FCGR1A: variants seen among roughly 807,000 people sequenced by gnomAD.
The protein encoded by FCGR1A is high affinity immunoglobulin gamma Fc receptor I.
FCGR1A carries 13 observed loss-of-function variants against 35.0 expected under a neutral mutation model. That is an observed-to-expected ratio of 0.37 (90% CI 0.24 to 0.59). FCGR1A has a LOEUF of 0.59. Among genes scored for constraint, FCGR1A ranks in the 20% least tolerant of loss-of-function variants. The probability of loss-of-function intolerance (pLI) is 0.71; values close to 1 mark genes in which losing one functional copy is unlikely to be tolerated. For missense variants in FCGR1A, 227 were observed against 430.0 expected, an observed-to-expected ratio of 0.53 and a Z score of 4.17; for synonymous variants, 91 against 164.7, an observed-to-expected ratio of 0.55 and a Z score of 3.43.
intron 3 of FCGR1A, chr1:149,786,245 C>T (rs1419749210): frequency 1.3e-5 from 2 of 152,188 alleles, no homozygotes; most frequent in East Asian, 3.9e-4. Context: ...ATTTGGGTAT[C>T]CTTTTTTGTA....
the FCGR1A span, among the ~76,000 whole-genome samples, chr1:149,799,836 G>A: frequency 6.6e-6 from 1 of 152,294 alleles, no homozygotes; most frequent in African/African-American, 2.4e-5. Context: ...TGTGTTTCCT[G>A]TGCTTTCACA....
At chr1:149,793,129 G>T (rs188275404), downstream of FCGR1A, 14,698 of 1,274,022 alleles carry the variant, frequency 0.012, 88 homozygotes, top group Non-Finnish European at 0.014. Context: ...AGGTGCGCCC[G>T]GCCGAGCCTC....
chr1:149,793,947 G>A (rs1402245210), downstream of FCGR1A: 1 of 1,215,762 alleles, frequency 8.2e-7, no homozygotes. Flanking sequence ...TATTTTCCTA[G>A]GAGGGCCAAG....
chr1:149,788,667 C>T (rs781912511), intron 4 of FCGR1A, 50 bp downstream of exon 4: 4 of 1,599,962 alleles, frequency 2.5e-6, no homozygotes, highest in Admixed American at 1.7e-5. Context: ...CCCTGAGGGA[C>T]CATCATAAAT....
At chr1:149,787,185 G>A (rs2102041692) in intron 3 of FCGR1A, 2 of 152,260 alleles carry the variant, frequency 1.3e-5, no homozygotes, top group South Asian at 4.1e-4. Flanking sequence ...AATTCTATTT[G>A]GAAGCATTAT....
rs1325762267 is a variant in FCGR1A at position 149,791,578 on chromosome 1, C to A, written c.*61C>A. 9.4e-6 allele frequency: 15 copies of A among 1,599,702 alleles called. No homozygotes were observed. The highest frequency in any genetic ancestry group is 1.2e-5 in the Non-Finnish European group (14 of 1,175,234). ...CCCCTGCCCACTTGCTCCCCGTGAG[C>A]ACTGCGTACAAACATCCAAAAGTTC... On this transcript the variant is annotated 3_prime_UTR_variant, in exon 6 of 6. Transcript: ENST00000369168.
chr1:149,799,588 A>G, the FCGR1A span, among the ~76,000 whole-genome samples: 2 of 152,144 alleles, frequency 1.3e-5, no homozygotes, highest in South Asian at 2.1e-4. Context: ...CAGCCCCTGA[A>G]ATTGTGCAGT....
Position 149,790,046 on chromosome 1 carries a change from C to G in FCGR1A, c.560-8C>G. 6.2e-7 allele frequency: 1 copy of G among 1,613,250 alleles called. No individual in the cohort carries two copies. The highest frequency in any genetic ancestry group is 8.5e-7 in the Non-Finnish European group (1 of 1,179,880). ...GGCAACCTTGTCCCCCATCAACTTT[C>G]TCCTTAGAGCTATTTCCAGCTCCAG... On this transcript the variant is annotated splice_region_variant and splice_polypyrimidine_tract_variant and intron_variant, in intron 4 of 5. Coordinates refer to ENST00000369168, the MANE Select transcript of FCGR1A (RefSeq NM_000566.4).
In FCGR1A at chr1:149,784,116, T is replaced by C. The variant is rs2091475513; in HGVS notation, c.166T>C (p.Trp56Arg). The C allele has an allele frequency of 1.9e-6, 3 of 1,611,710 alleles. No homozygotes were observed. The highest frequency in any genetic ancestry group is 8.5e-7 in the Non-Finnish European group (1 of 1,179,862). The change falls in exon 3 of 6, where the codon TGG (tryptophan) becomes CGG (arginine). Residue 56 changes from tryptophan to arginine, a missense_variant. By Grantham distance (101) the Trp-to-Arg change is moderately radical (BLOSUM62 -3). Around this residue, in one of 3 missense-constraint regions of FCGR1A, gnomAD observed 185 missense variants for 306.6 expected, o/e 0.60. Transcript: ENST00000369168. ...LHLPGSSSTQWFLNGTATQTS... is the reference protein window; with the variant it reads ...LHLPGSSSTQRFLNGTATQTS... ...TCTGCCTGGGAGCAGCTCTACACAG[T>C]GGTTTCTCAATGGCACAGCCACTCA...
chr1:149,791,648 C>T lies in FCGR1A; in HGVS notation c.*131C>T. On this transcript the variant is annotated 3_prime_UTR_variant, in exon 6 of 6. Coordinates refer to ENST00000369168, the MANE Select transcript of FCGR1A (RefSeq NM_000566.4). ...GTCTCATGGTATGTAACTCTTAAAGCAAATAAATGAACTGACTTCAACTGG... is the reference window on the plus strand; with the variant it reads ...GTCTCATGGTATGTAACTCTTAAAGTAAATAAATGAACTGACTTCAACTGG... The T allele has an allele frequency of 1.4e-6, 2 of 1,471,568 alleles. No homozygotes were observed. Among genetic ancestry groups the T allele is most frequent in the South Asian group, 2.7e-5 (2 of 73,164 alleles). 91.2% of individuals were successfully genotyped at this position (1,471,568 alleles called of 1,614,324 possible).
chr1:149,790,562 T>C (rs2091681650), intron 5 of FCGR1A, among the ~76,000 whole-genome samples: 1 of 151,528 alleles, frequency 6.6e-6, no homozygotes, highest in East Asian at 2.0e-4. Flanking sequence ...TGCCTTTCCT[T>C]CCTCCATTTC....
chr1:149,791,205 G>T, intron 5 of FCGR1A, 32 bp from the exon 6 acceptor site: 1 of 1,606,052 alleles, frequency 6.2e-7, no homozygotes, highest in Non-Finnish European at 8.5e-7. Flanking sequence ...TCTCTAAATA[G>T]TATCTCTTCT....
rs2091604883 is a variant in FCGR1A, at chr1:149,788,312, G to A, written c.308-54G>A. On this transcript the variant is annotated intron_variant, in intron 3 of 5. Coordinates refer to ENST00000369168, the MANE Select transcript of FCGR1A (RefSeq NM_000566.4). ...AGGAAGCCCACAGGGCCAAGCTTGG[G>A]CCTCCTTGTACCTCCTCCACTGTAT... 4 of 1,611,314 alleles carry A rather than the reference G, an allele frequency of 2.5e-6. No individual in the cohort carries two copies. In the Admixed American group the frequency reaches 6.7e-5, roughly 27 times the overall value.
At position 149,782,732 on chromosome 1, in the gene FCGR1A, C is replaced by T. The variant is rs368925544; in HGVS notation, c.-12C>T. On this transcript the variant is annotated 5_prime_UTR_variant, in exon 1 of 6. Coordinates refer to ENST00000369168, the MANE Select transcript of FCGR1A (RefSeq NM_000566.4). The stretch of plus-strand genomic sequence containing the variant: ...TTACAGATTTCACTGCTCCCACCAG[C>T]TTGGAGACAACATGTGGTTCTTGAC... 1.8e-4 allele frequency: 289 copies of T among 1,596,592 alleles called. No homozygotes were observed. In the African/African-American group the frequency reaches 3.6e-3, roughly 20 times the overall value.
At chr1:149,797,609 G>C in the FCGR1A span, among the ~76,000 whole-genome samples, 4 of 152,108 alleles carry the variant, frequency 2.6e-5, no homozygotes, top group Non-Finnish European at 4.4e-5. Context: ...GTTAGCGTTT[G>C]AGTTAAAAAC....
chr1:149,792,328 C>T, downstream of FCGR1A: 1 of 307,346 alleles, frequency 3.3e-6, no homozygotes, highest in South Asian at 4.0e-5. Context: ...ATCTTGCCTC[C>T]AGAGATTTGC....
chr1:149,790,950 T>C (rs1201813444), intron 5 of FCGR1A, among the ~76,000 whole-genome samples: 15 of 151,900 alleles, frequency 9.9e-5, no homozygotes, highest in African/African-American at 3.6e-4. Flanking sequence ...CAACCCAAAT[T>C]CATTTCAAGT....
At chr1:149,793,209 T>C (rs3106118), downstream of FCGR1A, 39 of 1,273,952 alleles carry the variant, frequency 3.1e-5, no homozygotes, top group East Asian at 1.3e-4. Context: ...GGCGCCCCAT[T>C]TTCTTGGCTT....
chr1:149,791,148 C>G, intron 5 of FCGR1A, 89 bp from the exon 6 acceptor site: 1 of 1,601,130 alleles, frequency 6.2e-7, no homozygotes, highest in Non-Finnish European at 8.5e-7. Flanking sequence ...CACATCAGGT[C>G]TCAGCCAACC....
Sources: allele counts gnomAD v4.1 joint callset (sites outside exome capture counted in the v4.1 genomes callset), GRCh38; gene constraint gnomAD v4.1.1; regional missense constraint gnomAD v4.1.1; transcripts MANE v1.5; gene names NCBI Gene and HGNC (gene_info 2026-07-23, HGNC 2026-07-21).